Variants in CLDN16 observed in about 807,000 individuals in gnomAD.
CLDN16 encodes the protein claudin-16.
In CLDN16, 13 loss-of-function variants were observed where a neutral mutation model predicts 24.6. That is an observed-to-expected ratio of 0.53 (90% CI 0.34 to 0.84). The LOEUF (loss-of-function observed/expected upper bound fraction) is 0.84. Ranked by LOEUF, CLDN16 falls within the 40% of genes least tolerant of loss-of-function variation. The probability of loss-of-function intolerance (pLI) is 0.01; values close to 1 mark genes in which losing one functional copy is unlikely to be tolerated. For missense variants in CLDN16, 298 were observed against 292.7 expected, an observed-to-expected ratio of 1.02 and a Z score of -0.13; for synonymous variants, 116 against 106.7, an observed-to-expected ratio of 1.09 and a Z score of -0.54.
At chr3:190,365,359 A>G (rs1249196761) in intron 1 of CLDN16, among the ~76,000 whole-genome samples, 1 of 151,390 alleles carries the variant, frequency 6.6e-6, no homozygotes, top group African/African-American at 2.4e-5. Flanking sequence ...CCACCAGTGC[A>G]CTCTTTATTG....
chr3:190,297,457 C>A, the CLDN16 span, among the ~76,000 whole-genome samples: 1 of 88,780 alleles, frequency 1.1e-5, no homozygotes, highest in African/African-American at 5.6e-5. Flanking sequence ...ATATATGTAT[C>A]ATATTAATTG....
the CLDN16 span, among the ~76,000 whole-genome samples, chr3:190,317,164 T>A: frequency 6.6e-6 from 1 of 152,192 alleles, no homozygotes; most frequent in South Asian, 2.1e-4. Flanking sequence ...AGAACAAACC[T>A]AGGAACAAAC....
At chr3:190,293,009 C>T in the CLDN16 span, among the ~76,000 whole-genome samples, 1 of 152,208 alleles carries the variant, frequency 6.6e-6, no homozygotes, top group African/African-American at 2.4e-5. Flanking sequence ...AGCAGTACCT[C>T]ATTGCCTCAG....
intron 1 of CLDN16, among the ~76,000 whole-genome samples, chr3:190,343,218 T>C (rs115398726): frequency 0.039 from 5,954 of 152,078 alleles, 390 homozygotes; most frequent in African/African-American, 0.13. Context: ...AGCTCAACAT[T>C]ACTAATAATC....
At chr3:190,311,704 T>C in the CLDN16 span, among the ~76,000 whole-genome samples, 1 of 150,994 alleles carries the variant, frequency 6.6e-6, no homozygotes, top group Non-Finnish European at 1.5e-5. Context: ...CTGTATAATT[T>C]ATATGGAGAT....
the CLDN16 span, among the ~76,000 whole-genome samples, chr3:190,296,861 T>C: frequency 0.58 from 87,731 of 151,886 alleles, 26,006 homozygotes; most frequent in African/African-American, 0.71. Context: ...AGATTTAATT[T>C]TAAGTGATGT....
At chr3:190,358,244 C>G (rs2108639676) in intron 1 of CLDN16, among the ~76,000 whole-genome samples, 1 of 151,910 alleles carries the variant, frequency 6.6e-6, no homozygotes, top group Middle Eastern at 3.4e-3. Context: ...CAGAGTGTGA[C>G]TCTGTGAATT....
At chr3:190,317,286 T>A in the CLDN16 span, among the ~76,000 whole-genome samples, 591 of 152,268 alleles carry the variant, frequency 3.9e-3, 13 homozygotes, top group Admixed American at 0.033. Flanking sequence ...ATTACACTAT[T>A]TTTTCTCATC....
chr3:190,336,543 C>A (rs4096914), intron 1 of CLDN16, among the ~76,000 whole-genome samples: 10,714 of 152,194 alleles, frequency 0.07, 552 homozygotes, highest in African/African-American at 0.14. Context: ...GAAAGTTCCC[C>A]GTTTTCAGTG....
intron 2 of CLDN16, among the ~76,000 whole-genome samples, chr3:190,374,079 A>G (rs1196045607): frequency 6.6e-6 from 1 of 151,932 alleles, no homozygotes; most frequent in African/African-American, 2.4e-5. Flanking sequence ...TTAAGCAGCA[A>G]AATTTTAGCT....
chr3:190,309,488 A>G, the CLDN16 span, among the ~76,000 whole-genome samples: 1 of 152,208 alleles, frequency 6.6e-6, no homozygotes, highest in Admixed American at 6.5e-5. Context: ...ATATTTTAAC[A>G]TCCTGACTGA....
chr3:190,392,059 C>CTTTTTTCTTTTTTT, intron 1 of CLDN16, among the ~76,000 whole-genome samples: 1 of 126,078 alleles, frequency 7.9e-6, no homozygotes, highest in Non-Finnish European at 1.7e-5. Context: ...CCTTTTCAGT[C>CTTTTTTCTTTTTTT]TTTTTTTTTT....
At chr3:190,299,645 A>G in the CLDN16 span, among the ~76,000 whole-genome samples, 468 of 152,128 alleles carry the variant, frequency 3.1e-3, 2 homozygotes, top group Middle Eastern at 0.01. Flanking sequence ...TCCCCTGTAA[A>G]TATCCACTTG....
rs550071658 is a variant in CLDN16 at position 190,361,961 on chromosome 3, G to C, written n.122-8932G>C. 1.7e-4 allele frequency among the ~76,000 whole-genome samples: 24 copies of C among 144,020 alleles called. 1 individual carries two copies. The South Asian group carries it at 5.4e-3, about 32-fold the overall frequency. 94.5% of individuals were successfully genotyped at this position (144,020 alleles called of 152,430 possible). A position where few individuals can be genotyped will look rare whatever the true frequency, so the allele number is the denominator to read the frequency against. On this transcript the variant is annotated intron_variant and non_coding_transcript_variant, in intron 1 of 4. Transcript: ENST00000468220. ...CCTGCGTAATAAAAGATAAGGGTGG[G>C]GGCTACCAGGGATTAGTGCCCTATA...
At chr3:190,399,130 G>T (rs764991998) in intron 1 of CLDN16, among the ~76,000 whole-genome samples, 1 of 152,106 alleles carries the variant, frequency 6.6e-6, no homozygotes. Flanking sequence ...CCAAGTTAGG[G>T]CTTACTTCAC....
the CLDN16 span, among the ~76,000 whole-genome samples, chr3:190,311,518 CT>C: frequency 1.5e-4 from 23 of 152,024 alleles, no homozygotes; most frequent in African/African-American, 4.3e-4. Context: ...CCCTACAAGT[CT>C]TCTGTCAAAA....
chr3:190,300,599 C>G, the CLDN16 span, among the ~76,000 whole-genome samples: 5 of 152,210 alleles, frequency 3.3e-5, no homozygotes, highest in Admixed American at 6.5e-5. Flanking sequence ...TTATGTGACC[C>G]ACAAAGTCTG....
intron 3 of CLDN16, among the ~76,000 whole-genome samples, chr3:190,406,002 G>A (rs1719087669): frequency 6.6e-6 from 1 of 152,184 alleles, no homozygotes; most frequent in African/African-American, 2.4e-5. Flanking sequence ...GTGTGGGGTA[G>A]TACATCGATA....
chr3:190,299,320 A>G, the CLDN16 span, among the ~76,000 whole-genome samples: 1 of 151,994 alleles, frequency 6.6e-6, no homozygotes, highest in Non-Finnish European at 1.5e-5. Context: ...ATTGGTTTTT[A>G]AAAGTGTTCT....
Sources: allele counts gnomAD v4.1 joint callset (sites outside exome capture counted in the v4.1 genomes callset), GRCh38; gene constraint gnomAD v4.1.1; transcripts MANE v1.5; gene names NCBI Gene and HGNC (gene_info 2026-07-23, HGNC 2026-07-21).